ZC2HC1C: variants seen among roughly 807,000 people sequenced by gnomAD.
ZC2HC1C encodes the protein zinc finger C2HC-type containing 1C.
Under a neutral mutation model 39.2 loss-of-function variants are expected in ZC2HC1C, and 25 were observed. The observed-to-expected ratio is 0.64, with a 90% CI of 0.47 to 0.89. The LOEUF (loss-of-function observed/expected upper bound fraction) is 0.89. Among genes scored for constraint, ZC2HC1C ranks in the 40% least tolerant of loss-of-function variants. ZC2HC1C has a pLI of 0.00. For synonymous variants in ZC2HC1C, 209 were observed against 214.4 expected (o/e 0.97, Z 0.22); for missense variants, 519 against 548.6 (o/e 0.95, Z 0.54).
At chr14:75,077,450 A>G in intron 2 of ZC2HC1C, 82 bp from the exon 3 acceptor site, 1 of 1,571,562 alleles carries the variant, frequency 6.4e-7, no homozygotes, top group South Asian at 1.1e-5. Flanking sequence ...TACCCTTTTC[A>G]TTTTCTTACT....
At chr14:75,077,101 A>G (rs1044048198) in intron 2 of ZC2HC1C, among the ~76,000 whole-genome samples, 39 of 152,334 alleles carry the variant, frequency 2.6e-4, no homozygotes, top group African/African-American at 9.1e-4. Context: ...TTCAGCCCCA[A>G]GATTAACCCA....
Position 75,071,556 on chromosome 14 carries a change from G to C in ZC2HC1C, c.983G>C (p.Arg328Thr). 6.2e-7 allele frequency: 1 copy of C among 1,613,262 alleles called. No homozygotes were observed. Among genetic ancestry groups the C allele is most frequent in the South Asian group, 1.1e-5 (1 of 91,066 alleles). The change falls in exon 2 of 3, where the codon AGG becomes ACG. Residue 328 changes from arginine (R) to threonine (T), a missense_variant. Transcript: ENST00000524913. ...GATTATAGAATCCAGAGGCTCAAAA[G>C]GGAAAGGCTGGTAGCAAGCAATAAT... ...FSDYRIQRLKRERLVASNNKI... is the reference protein window; with the variant it reads ...FSDYRIQRLKTERLVASNNKI...
In ZC2HC1C at chr14:75,078,922, G is replaced by C. The variant is rs1893787803; in HGVS notation, c.*1358G>C. The C allele has an allele frequency of 6.6e-6, 1 of 151,598 alleles. No homozygotes were observed. The highest frequency in any genetic ancestry group is 2.4e-5 in the African/African-American group (1 of 41,396). 9.4% of individuals were successfully genotyped at this position (151,598 alleles called of 1,614,324 possible). ...GGTCTGGAGATTTAAAATTAAACAA[G>C]AAGATGAGTGAGTCCTACACTAGTG... On this transcript the variant is annotated 3_prime_UTR_variant, in exon 3 of 3. Transcript: ENST00000524913.
In ZC2HC1C at chr14:75,077,425, G is replaced by A; in HGVS notation, c.1339-107G>A. 3 of 1,442,930 alleles carry A rather than the reference G, an allele frequency of 2.1e-6. No individual in the cohort carries two copies. In the South Asian group the frequency reaches 3.5e-5, roughly 17 times the overall value. 89.4% of individuals were successfully genotyped at this position (1,442,930 alleles called of 1,614,324 possible). ...CTGTTGCTCCTTTCCTGTTCTCTTT[G>A]ACCTTGCAGATTAGTACCCTTTTCA... On this transcript the variant is annotated intron_variant, in intron 2 of 2. Transcript: ENST00000524913.
chr14:75,076,073 AAAAAC>A (rs532521615), intron 2 of ZC2HC1C, among the ~76,000 whole-genome samples: 234 of 152,166 alleles, frequency 1.5e-3, no homozygotes, highest in African/African-American at 5.3e-3. Flanking sequence ...CAACAACAAC[AAAAAC>A]AAAACAAAAC....
chr14:75,071,072 C>T lies in ZC2HC1C; in HGVS notation c.499C>T (p.Pro167Ser), dbSNP rs781090052. ...TDGDHNVYPR[P>S]PEPREFSSRN... ...TGGGGACCATAATGTCTACCCAAGG[C>T]CCCCTGAGCCGAGAGAGTTTTCATC... Residue 167 changes from proline to serine, a missense_variant, in exon 2 of 3, where the codon CCC (proline) becomes TCC (serine). Physicochemically the swap from Pro to Ser is moderately conservative, Grantham distance 74. Transcript: ENST00000524913. 6.8e-6 allele frequency: 11 copies of T among 1,614,008 alleles called. 1 individual carries two copies. The highest frequency in any genetic ancestry group is 3.3e-5 in the South Asian group (3 of 91,084).
At chr14:75,075,778 C>T (rs1893638869) in intron 2 of ZC2HC1C, among the ~76,000 whole-genome samples, 1 of 152,186 alleles carries the variant, frequency 6.6e-6, no homozygotes, top group Non-Finnish European at 1.5e-5. Flanking sequence ...TTCTCCTCAC[C>T]AGGTGCTGTG....
chr14:75,077,746 G>GT lies in ZC2HC1C; in HGVS notation c.*183dup. 1 of 644,034 alleles carries GT rather than the reference G, an allele frequency of 1.6e-6. No individual in the cohort carries two copies. Among genetic ancestry groups the GT allele is most frequent in the Non-Finnish European group, 2.7e-6 (1 of 369,128 alleles). 39.9% of individuals were successfully genotyped at this position (644,034 alleles called of 1,614,324 possible). ...GTGGCTGAGCAACACATTCCCAAGT[G>GT]TAAGACCATCAAGAACTGTCTTCCA... On this transcript the variant is annotated 3_prime_UTR_variant, in exon 3 of 3. Coordinates refer to ENST00000524913, the MANE Select transcript of ZC2HC1C (RefSeq NM_024643.4).
At chr14:75,077,430 T>C (rs1354714582) in intron 2 of ZC2HC1C, 102 bp from the exon 3 acceptor site, 2 of 1,477,286 alleles carry the variant, frequency 1.4e-6, no homozygotes, top group African/African-American at 2.8e-5. Flanking sequence ...TCTTTGACCT[T>C]GCAGATTAGT....
chr14:75,077,589 T>G lies in ZC2HC1C; in HGVS notation c.*25T>G. On this transcript the variant is annotated 3_prime_UTR_variant, in exon 3 of 3. Coordinates refer to ENST00000524913, the MANE Select transcript of ZC2HC1C (RefSeq NM_024643.4). ...GAAGCATGAATCTTTTATCCATACGTTCCGCCAGGCTCGAGAGGTCCAGCA... is the reference window on the plus strand; with the variant it reads ...GAAGCATGAATCTTTTATCCATACGGTCCGCCAGGCTCGAGAGGTCCAGCA... The G allele has an allele frequency of 6.2e-7, 1 of 1,614,124 alleles. No homozygotes were observed. The highest frequency in any genetic ancestry group is 8.5e-7 in the Non-Finnish European group (1 of 1,179,992).
chr14:75,077,237 C>T (rs1893715489), intron 2 of ZC2HC1C, among the ~76,000 whole-genome samples: 2 of 152,066 alleles, frequency 1.3e-5, no homozygotes, highest in South Asian at 2.1e-4. Flanking sequence ...TGGGAGGAGC[C>T]GTGGGGTCCT....
chr14:75,073,702 G>T, intron 2 of ZC2HC1C: 3 of 1,076,164 alleles, frequency 2.8e-6, no homozygotes, highest in Non-Finnish European at 3.8e-6. Flanking sequence ...TCTCTCTCCT[G>T]GACTGTAAGC....
At position 75,077,820 on chromosome 14, in the gene ZC2HC1C, A is replaced by G. The variant is rs1893751326; in HGVS notation, c.*256A>G. On this transcript the variant is annotated 3_prime_UTR_variant, in exon 3 of 3. Transcript: ENST00000524913. ...AGCAGACAACAATGGAAACTTTTGG[A>G]TAGTTCAGAAAGCTCTGCTTCTCTT... The G allele has an allele frequency of 2.0e-6, 1 of 500,596 alleles. No homozygotes were observed. Among genetic ancestry groups the G allele is most frequent in the African/African-American group, 1.9e-5 (1 of 51,648 alleles). 31.0% of individuals were successfully genotyped at this position (500,596 alleles called of 1,614,324 possible).
At chr14:75,070,013 CT>C (rs1304464865) in intron 1 of ZC2HC1C, 3 of 155,276 alleles carry the variant, frequency 1.9e-5, no homozygotes, top group African/African-American at 7.2e-5. Context: ...AGCCAGGCAC[CT>C]GCTCCAGGCC....
chr14:75,074,506 T>C (rs1468485790), intron 2 of ZC2HC1C, among the ~76,000 whole-genome samples: 2 of 152,210 alleles, frequency 1.3e-5, no homozygotes, highest in Non-Finnish European at 2.9e-5. Flanking sequence ...CTGGTCTGCC[T>C]TTCCATATTT....
intron 2 of ZC2HC1C, among the ~76,000 whole-genome samples, chr14:75,075,395 G>C (rs1028934063): frequency 1.3e-5 from 2 of 152,076 alleles, no homozygotes; most frequent in African/African-American, 4.8e-5. Context: ...TCCTTCCTTT[G>C]CTGAAGCTTA....
intron 2 of ZC2HC1C, 110 bp from the exon 3 acceptor site, chr14:75,077,422 T>C (rs1315930023): frequency 1.4e-6 from 2 of 1,432,094 alleles, no homozygotes; most frequent in South Asian, 1.2e-5. Flanking sequence ...TCCTGTTCTC[T>C]TTGACCTTGC....
chr14:75,077,396 A>T, intron 2 of ZC2HC1C, 136 bp from the exon 3 acceptor site: 1 of 1,149,244 alleles, frequency 8.7e-7, no homozygotes, highest in Non-Finnish European at 1.2e-6. Flanking sequence ...CAAGTCAGTT[A>T]CCGCTGTTGC....
intron 2 of ZC2HC1C, among the ~76,000 whole-genome samples, chr14:75,076,993 A>G (rs1433570312): frequency 1.3e-5 from 2 of 151,898 alleles, no homozygotes; most frequent in Non-Finnish European, 2.9e-5. Flanking sequence ...TCTTTTTCCT[A>G]TGAGGATGCC....
Sources: gnomAD v4.1 joint callset for allele counts (sites outside exome capture counted in the v4.1 genomes callset) on GRCh38, gnomAD v4.1.1 for gene constraint, MANE v1.5 for transcripts, NCBI Gene and HGNC (gene_info 2026-07-23, HGNC 2026-07-21) for gene names.